The following PROS1 variants were observed in gnomAD, a reference collection of about 807,000 sequenced individuals.
PROS1 encodes the protein vitamin K-dependent protein S.
A neutral mutation model predicts 75.9 loss-of-function variants in PROS1; 29 were observed. The observed-to-expected ratio is 0.38, with a 90% CI of 0.28 to 0.52. PROS1 has a LOEUF of 0.52. PROS1 is among the 20% of genes least tolerant of loss of function. The pLI, the probability that PROS1 is intolerant of heterozygous loss-of-function variation, is 0.83. For missense variants in PROS1, 680 were observed against 810.3 expected (o/e 0.84, Z 1.95); for synonymous variants, 245 against 280.6 (o/e 0.87, Z 1.27).
intron 3 of PROS1, among the ~76,000 whole-genome samples, chr3:93,922,860 AT>A (rs1248751996): frequency 2.0e-5 from 3 of 152,236 alleles, no homozygotes; most frequent in Non-Finnish European, 2.9e-5. Flanking sequence ...ATTAAAAAAA[AT>A]CATAATAAAA....
At chr3:93,932,687 TG>T (rs1220948402) in intron 1 of PROS1, among the ~76,000 whole-genome samples, 1 of 152,222 alleles carries the variant, frequency 6.6e-6, no homozygotes, top group East Asian at 1.9e-4. Flanking sequence ...TCTCTTCATG[TG>T]GGGGGTAAGT....
At position 93,873,937 on chromosome 3, in the gene PROS1, T is replaced by A; in HGVS notation, c.*308A>T. 1 of 321,510 alleles carries A rather than the reference T, an allele frequency of 3.1e-6. No homozygotes were observed. The highest frequency in any genetic ancestry group is 5.9e-6 in the Non-Finnish European group (1 of 170,234). The allele number at this position is 321,510 out of a possible 1,614,324, so 19.9% of individuals were successfully genotyped here. A position where few individuals can be genotyped will look rare whatever the true frequency, so the allele number is the denominator to read the frequency against. ...AAAAACATAGGTATTTAGACACTAG[T>A]TCATGATGATAAAATTAAAATTTAG... is the stretch of plus-strand genomic sequence containing the variant. On this transcript the variant is annotated 3_prime_UTR_variant, in exon 15 of 15. Coordinates refer to ENST00000394236, the MANE Select transcript of PROS1 (RefSeq NM_000313.4).
chr3:93,900,678 A>G (rs1202852084), intron 7 of PROS1, 126 bp downstream of exon 7: 1 of 1,332,844 alleles, frequency 7.5e-7, no homozygotes, highest in Non-Finnish European at 1.1e-6. Flanking sequence ...TACCCAATTG[A>G]ACAAGCTATA....
chr3:93,886,016 A>G (rs1337984602), intron 11 of PROS1, among the ~76,000 whole-genome samples: 1 of 152,174 alleles, frequency 6.6e-6, no homozygotes. Flanking sequence ...ATGGATTATC[A>G]TGATGTTAAC....
chr3:93,918,594 G>GT (rs1456834025), intron 3 of PROS1, among the ~76,000 whole-genome samples: 2 of 152,104 alleles, frequency 1.3e-5, no homozygotes, highest in Non-Finnish European at 2.9e-5. Flanking sequence ...TTTAAGAACT[G>GT]TAACACTCAC....
At position 93,973,467 on chromosome 3, in the gene PROS1, T is replaced by C. The variant is rs1575904352; in HGVS notation, c.76+207A>G. 4 of 609,210 alleles carry C rather than the reference T, an allele frequency of 6.6e-6. No homozygotes were observed. The East Asian group carries it at 1.2e-4, about 18-fold the overall frequency. The allele number at this position is 609,210 out of a possible 1,614,324, so 37.7% of individuals were successfully genotyped here. ...TTAGATCTGTCCTGTAGGCAATACA[T>C]TCTCGCAACTGTGCAAATAGTGATC... On this transcript the variant is annotated intron_variant, in intron 1 of 14. Transcript: ENST00000394236.
intron 8 of PROS1, among the ~76,000 whole-genome samples, chr3:93,898,151 T>C (rs1359535905): frequency 6.6e-6 from 1 of 152,084 alleles, no homozygotes; most frequent in Non-Finnish European, 1.5e-5. Context: ...AAACTCAGCT[T>C]TTCTTGATTT....
At chr3:93,961,366 A>T (rs1241124396) in intron 1 of PROS1, among the ~76,000 whole-genome samples, 1 of 152,242 alleles carries the variant, frequency 6.6e-6, no homozygotes, top group African/African-American at 2.4e-5. Flanking sequence ...TGATGCTTTT[A>T]AAATTGATTT....
At chr3:93,937,974 C>T (rs1709213567) in intron 1 of PROS1, among the ~76,000 whole-genome samples, 1 of 152,090 alleles carries the variant, frequency 6.6e-6, no homozygotes, top group African/African-American at 2.4e-5. Context: ...TGGGAGAAGG[C>T]AACTAGAAGC....
At chr3:93,904,012 G>A (rs532501826) in intron 6 of PROS1, among the ~76,000 whole-genome samples, 81 of 130,480 alleles carry the variant, frequency 6.2e-4, no homozygotes, top group African/African-American at 2.4e-3. Flanking sequence ...TCCCCTTCCT[G>A]TGTCCATGTG....
chr3:93,948,077 T>C (rs1412407303), intron 1 of PROS1, among the ~76,000 whole-genome samples: 2 of 152,134 alleles, frequency 1.3e-5, no homozygotes, highest in Non-Finnish European at 2.9e-5. Context: ...ACTACCTAGT[T>C]TACCCAGCTT....
At chr3:93,880,477 G>A (rs1708260538) in intron 12 of PROS1, among the ~76,000 whole-genome samples, 1 of 152,024 alleles carries the variant, frequency 6.6e-6, no homozygotes, top group African/African-American at 2.4e-5. Flanking sequence ...CTGCACTCCA[G>A]CCTGGGAAAA....
Position 93,973,435 on chromosome 3 carries a change from T to C in PROS1, c.76+239A>G, listed in dbSNP as rs1280557720. 1.3e-5 allele frequency: 7 copies of C among 519,172 alleles called. No homozygotes were observed. The East Asian group carries it at 2.1e-4, about 15-fold the overall frequency. The allele number at this position is 519,172 out of a possible 1,614,324, so 32.2% of individuals were successfully genotyped here. A position where few individuals can be genotyped will look rare whatever the true frequency, so the allele number is the denominator to read the frequency against. ...CCCTCCATTGATACTTAGTGTCATCTAGGTTCTTAGATCTGTCCTGTAGGC... is the reference window on the plus strand; with the variant it reads ...CCCTCCATTGATACTTAGTGTCATCCAGGTTCTTAGATCTGTCCTGTAGGC... On this transcript the variant is annotated intron_variant, in intron 1 of 14. Transcript: ENST00000394236.
chr3:93,971,356 T>C (rs1259162177), intron 1 of PROS1, among the ~76,000 whole-genome samples: 4 of 1,310 alleles, frequency 3.1e-3, no homozygotes, highest in African/African-American at 9.1e-3. Flanking sequence ...ACTCCATCTC[T>C]AAATAAATAA....
chr3:93,915,913 G>A (rs1162152028), intron 3 of PROS1, among the ~76,000 whole-genome samples: 1 of 151,914 alleles, frequency 6.6e-6, no homozygotes, highest in African/African-American at 2.4e-5. Context: ...CATATTTTCA[G>A]GTATTTGTTA....
chr3:93,958,695 TA>T (rs1451294487), intron 1 of PROS1: 1 of 152,260 alleles, frequency 6.6e-6, no homozygotes, highest in African/African-American at 2.4e-5. Context: ...TGGTGGTGAA[TA>T]AGTCTCATGA....
At chr3:93,919,656 T>A (rs1381067079) in intron 3 of PROS1, among the ~76,000 whole-genome samples, 1 of 152,152 alleles carries the variant, frequency 6.6e-6, no homozygotes, top group Non-Finnish European at 1.5e-5. Context: ...AATTTAAAAT[T>A]TTCCCCCATG....
intron 2 of PROS1, among the ~76,000 whole-genome samples, 177 bp downstream of exon 2, chr3:93,927,073 A>G (rs1709029014): frequency 6.6e-6 from 1 of 152,240 alleles, no homozygotes; most frequent in Non-Finnish European, 1.5e-5. Flanking sequence ...ATGTCTGCCT[A>G]ACAAGCCCAC....
At chr3:93,960,909 T>C (rs187899557) in intron 1 of PROS1, among the ~76,000 whole-genome samples, 2 of 139,908 alleles carry the variant, frequency 1.4e-5, no homozygotes, top group South Asian at 2.3e-4. Context: ...ATTCCTTGAA[T>C]AAAATAACCA....
Sources: gnomAD v4.1 joint callset for allele counts (sites outside exome capture counted in the v4.1 genomes callset) on GRCh38, gnomAD v4.1.1 for gene constraint, MANE v1.5 for transcripts, NCBI Gene and HGNC (gene_info 2026-07-23, HGNC 2026-07-21) for gene names.